MBNL1: variants seen among roughly 807,000 people sequenced by gnomAD.
The protein encoded by MBNL1 is muscleblind-like protein 1.
In MBNL1, 8 loss-of-function variants were observed where a neutral mutation model predicts 42.2. The observed-to-expected ratio is 0.19, with a 90% CI of 0.11 to 0.34. The LOEUF (loss-of-function observed/expected upper bound fraction) is 0.34, where lower values mean the gene tolerates loss of function less well. MBNL1 is among the 10% of genes least tolerant of loss of function. The pLI is 1.00. For synonymous variants in MBNL1, 169 were observed against 173.9 expected, an observed-to-expected ratio of 0.97 and a Z score of 0.22; for missense variants, 309 against 495.3, an observed-to-expected ratio of 0.62 and a Z score of 3.57.
chr3:152,245,525 T>C (rs889015589), intron 2 of MBNL1, among the ~76,000 whole-genome samples: 1 of 152,196 alleles, frequency 6.6e-6, no homozygotes, highest in Non-Finnish European at 1.5e-5. Context: ...TATCCCAAGA[T>C]GTATTTGAAG....
chr3:152,326,093 C>T lies in MBNL1; in HGVS notation c.174+25726C>T, dbSNP rs377717280. Among the ~76,000 whole-genome samples the T allele has an allele frequency of 3.3e-5, 5 of 152,124 alleles. No individual in the cohort carries two copies. In the East Asian group the frequency reaches 9.6e-4, roughly 29 times the overall value. ...AGTTAAGAACTTATTTTAAATATAACTCCATTTCCAAATCTATGAAAATTG... is the reference window on the plus strand; with the variant it reads ...AGTTAAGAACTTATTTTAAATATAATTCCATTTCCAAATCTATGAAAATTG... On this transcript the variant is annotated intron_variant, in intron 2 of 9. Coordinates refer to ENST00000324210, the MANE Select transcript of MBNL1 (RefSeq NM_021038.5).
rs1740476026 is a variant in MBNL1, at chr3:152,459,425, T to G, written c.*18+80T>G. 3 of 685,350 alleles carry G rather than the reference T, an allele frequency of 4.4e-6. 1 individual carries two copies. The South Asian group carries it at 1.1e-4, about 25-fold the overall frequency. 42.5% of individuals were successfully genotyped at this position (685,350 alleles called of 1,614,324 possible). A position where few individuals can be genotyped will look rare whatever the true frequency, so the allele number is the denominator to read the frequency against. Reference sequence around the variant, plus strand: ...AGCAATTGTATAGTGCACTTAAAATTTTGCGAAATCTCTGAGAAAATATAT... The same window carrying G: ...AGCAATTGTATAGTGCACTTAAAATGTTGCGAAATCTCTGAGAAAATATAT... On this transcript the variant is annotated intron_variant, in intron 9 of 9. Coordinates refer to ENST00000324210, the MANE Select transcript of MBNL1 (RefSeq NM_021038.5).
At chr3:152,437,438 G>T (rs1386454742) in intron 4 of MBNL1, among the ~76,000 whole-genome samples, 1 of 152,142 alleles carries the variant, frequency 6.6e-6, no homozygotes, top group Non-Finnish European at 1.5e-5. Context: ...ATGTGATGTT[G>T]CTAATTAGGT....
At chr3:152,414,102 C>T (rs539920270) in intron 2 of MBNL1, among the ~76,000 whole-genome samples, 1 of 152,188 alleles carries the variant, frequency 6.6e-6, no homozygotes, top group East Asian at 1.9e-4. Context: ...AGGCTATGTT[C>T]GTTGGTAGGA....
intron 2 of MBNL1, among the ~76,000 whole-genome samples, chr3:152,334,920 T>C (rs531979953): frequency 6.6e-6 from 1 of 152,300 alleles, no homozygotes; most frequent in East Asian, 1.9e-4. Context: ...AACACCTGTT[T>C]TGACACTCTG....
intron 2 of MBNL1, among the ~76,000 whole-genome samples, chr3:152,257,492 G>T (rs1233138820): frequency 1.3e-5 from 2 of 151,308 alleles, no homozygotes; most frequent in Non-Finnish European, 2.9e-5. Flanking sequence ...GACCCATCAT[G>T]TTAGGAAAAA....
At chr3:152,288,952 AACAG>A (rs2054234019) in intron 1 of MBNL1, among the ~76,000 whole-genome samples, 1 of 152,220 alleles carries the variant, frequency 6.6e-6, no homozygotes, top group African/African-American at 2.4e-5. Context: ...TTTATAGAAA[AACAG>A]ACATACTTTT....
chr3:152,265,754 C>T (rs565196987), upstream of MBNL1: 29 of 152,232 alleles, frequency 1.9e-4, no homozygotes, highest in African/African-American at 7.0e-4. Flanking sequence ...TTTATTTCAT[C>T]TGAAATTGTT....
chr3:152,254,896 A>G (rs2149443568), intron 2 of MBNL1, among the ~76,000 whole-genome samples: 1 of 152,266 alleles, frequency 6.6e-6, no homozygotes. Context: ...AAAATATAGA[A>G]GTTCAGAGAG....
At chr3:152,288,355 C>T (rs979954510) in intron 1 of MBNL1, among the ~76,000 whole-genome samples, 2 of 152,124 alleles carry the variant, frequency 1.3e-5, no homozygotes. Flanking sequence ...CCACTCCTGA[C>T]TCAGGAATGA....
intron 2 of MBNL1, among the ~76,000 whole-genome samples, chr3:152,387,884 AAAGGATGAG>A (rs1304916898): frequency 6.6e-6 from 1 of 152,214 alleles, no homozygotes; most frequent in Non-Finnish European, 1.5e-5. Context: ...TAGTCTAAGA[AAAGGATGAG>A]ATGGTATTAT....
At position 152,326,389 on chromosome 3, in the gene MBNL1, C is replaced by T. The variant is rs1255566528; in HGVS notation, c.174+26022C>T. ...TCAAGAGGACATAATTTTAGTAATC[C>T]CTGCTTTTAATGATGCTGCAATCTA... On this transcript the variant is annotated intron_variant, in intron 2 of 9. Coordinates refer to ENST00000324210, the MANE Select transcript of MBNL1 (RefSeq NM_021038.5). 5.9e-5 allele frequency among the ~76,000 whole-genome samples: 9 copies of T among 152,072 alleles called. No individual in the cohort carries two copies. The East Asian group carries it at 1.7e-3, about 29-fold the overall frequency.
At chr3:152,253,282 C>T (rs1406084136) in intron 2 of MBNL1, among the ~76,000 whole-genome samples, 1 of 152,066 alleles carries the variant, frequency 6.6e-6, no homozygotes, top group Non-Finnish European at 1.5e-5. Context: ...CAACAGTATC[C>T]TTAATTTCAT....
At chr3:152,348,184 G>A (rs941998227) in intron 2 of MBNL1, among the ~76,000 whole-genome samples, 3 of 152,110 alleles carry the variant, frequency 2.0e-5, no homozygotes, top group African/African-American at 7.2e-5. Flanking sequence ...ATAGGCAACA[G>A]AAAACAAGCA....
chr3:152,381,048 C>T (rs1308757647), intron 2 of MBNL1, among the ~76,000 whole-genome samples: 1 of 151,994 alleles, frequency 6.6e-6, no homozygotes, highest in Non-Finnish European at 1.5e-5. Context: ...TGTTTTTAGA[C>T]AAATCCAAAT....
intron 8 of MBNL1, 76 bp downstream of exon 8, chr3:152,456,437 A>T: frequency 8.3e-7 from 1 of 1,204,900 alleles, no homozygotes; most frequent in Non-Finnish European, 1.2e-6. Context: ...ACGCACGTGG[A>T]TTTCCCATTG....
chr3:152,460,623 CAAAA>C (rs1056514938), intron 9 of MBNL1, among the ~76,000 whole-genome samples: 5 of 136,040 alleles, frequency 3.7e-5, no homozygotes, highest in South Asian at 2.4e-4. Flanking sequence ...AAAAAAAAAA[CAAAA>C]AAAAAAACCA....
chr3:152,450,053 A>T (rs1192605695), intron 6 of MBNL1, among the ~76,000 whole-genome samples: 1 of 149,374 alleles, frequency 6.7e-6, no homozygotes, highest in African/African-American at 2.5e-5. Context: ...GTGAGCCAAG[A>T]TCACATCACT....
intron 1 of MBNL1, 66 bp downstream of exon 1, chr3:152,269,158 TG>T: frequency 2.4e-6 from 1 of 423,818 alleles, no homozygotes; most frequent in South Asian, 1.7e-5. Context: ...GGTCTGCCCG[TG>T]GCTGAAGGAG....
Sources: gnomAD v4.1 joint callset for allele counts (sites outside exome capture counted in the v4.1 genomes callset) on GRCh38, gnomAD v4.1.1 for gene constraint, MANE v1.5 for transcripts, NCBI Gene and HGNC (gene_info 2026-07-23, HGNC 2026-07-21) for gene names.